RXFP2: variants seen among roughly 807,000 people sequenced by gnomAD.
The protein encoded by RXFP2 is relaxin family peptide receptor 2.
RXFP2 carries 68 observed loss-of-function variants against 88.6 expected under a neutral mutation model. The ratio of observed to expected loss-of-function variants is 0.77; its 90% CI spans 0.63 to 0.94. The LOEUF is 0.94. RXFP2 is among the 40% of genes least tolerant of loss of function. The pLI is 0.00. For synonymous variants in RXFP2, 329 were observed against 306.8 expected (o/e 1.07, Z -0.76); for missense variants, 791 against 893.9 (o/e 0.88, Z 1.47).
intron 1 of RXFP2, among the ~76,000 whole-genome samples, chr13:31,753,646 A>G (rs536612966): frequency 6.6e-6 from 1 of 152,218 alleles, no homozygotes; most frequent in African/African-American, 2.4e-5. Context: ...CTATGTACCA[A>G]GTACAGCAGG....
intron 17 of RXFP2, among the ~76,000 whole-genome samples, chr13:31,798,579 C>T (rs184604030): frequency 1.3e-5 from 2 of 152,302 alleles, no homozygotes; most frequent in African/African-American, 2.4e-5. Context: ...GCTACCTGGA[C>T]ATCTCAATTT....
intron 1 of RXFP2, among the ~76,000 whole-genome samples, chr13:31,744,028 G>T (rs1871313099): frequency 6.6e-6 from 1 of 152,042 alleles, no homozygotes; most frequent in African/African-American, 2.4e-5. Flanking sequence ...TCCCTCCCCA[G>T]GGGCTTCCTG....
chr13:31,759,426 A>AAAGAAAGAAGG (rs1566218574), intron 2 of RXFP2, among the ~76,000 whole-genome samples: 1 of 149,020 alleles, frequency 6.7e-6, no homozygotes, highest in Non-Finnish European at 1.5e-5. Context: ...AGAAAGAAAG[A>AAAGAAAGAAGG]AAGAAAGAAA....
intron 1 of RXFP2, among the ~76,000 whole-genome samples, chr13:31,753,333 C>G (rs1871760465): frequency 6.6e-6 from 1 of 152,120 alleles, no homozygotes; most frequent in South Asian, 2.1e-4. Flanking sequence ...CTTTAAAAGG[C>G]CATCTAAACG....
rs1555280377 is a variant in RXFP2 at position 31,746,767 on chromosome 13, T to TTATATACAGCAATATATATAATATACAGC, written c.94+7061_94+7062insTATATACAGCAATATATATAATATACAGC. Among the ~76,000 whole-genome samples the TTATATACAGCAATATATATAATATACAGC allele has an allele frequency of 2.0e-4, 30 of 152,032 alleles. No homozygotes were observed. In the South Asian group the frequency reaches 2.1e-3, roughly 11 times the overall value. ...TGTTTCAACCCCACAGGCTAAAAAA[T>TTATATACAGCAATATATATAATATACAGC]AATATATCTATTGCTGTAGATATTT... On this transcript the variant is annotated intron_variant, in intron 1 of 17. Coordinates refer to ENST00000298386, the MANE Select transcript of RXFP2 (RefSeq NM_130806.5).
rs114981353 is a variant in RXFP2, at chr13:31,793,830, C to T, written c.1786+742C>T. The stretch of plus-strand genomic sequence containing the variant: ...CAAGGAGCCAACAAGCTCTTCTGTC[C>T]TTTCTTTTTCTTCAAAATTTGCTTC... On this transcript the variant is annotated intron_variant, in intron 16 of 17. Transcript: ENST00000298386. Among the ~76,000 whole-genome samples, 1,048 of 152,194 alleles carry T rather than the reference C, an allele frequency of 6.9e-3. 4 individuals are homozygous for T. Among genetic ancestry groups the T allele is most frequent in the African/African-American group, 0.018 (731 of 41,506 alleles).
At chr13:31,768,387 C>A (rs1481880075) in intron 5 of RXFP2, among the ~76,000 whole-genome samples, 1 of 152,154 alleles carries the variant, frequency 6.6e-6, no homozygotes, top group Non-Finnish European at 1.5e-5. Flanking sequence ...AGTCATCTAC[C>A]ACTTTTTAAA....
intron 2 of RXFP2, among the ~76,000 whole-genome samples, chr13:31,759,039 C>T (rs777104499): frequency 2.3e-4 from 34 of 145,976 alleles, no homozygotes; most frequent in Non-Finnish European, 4.2e-4. Context: ...AAGAGCAAAA[C>T]TCCATCTCAA....
At chr13:31,792,519 C>T (rs1015162183) in intron 15 of RXFP2, among the ~76,000 whole-genome samples, 159 bp from the exon 16 acceptor site, 1 of 152,040 alleles carries the variant, frequency 6.6e-6, no homozygotes. Flanking sequence ...TAAGTCCACT[C>T]GCTTCTTGGT....
intron 13 of RXFP2, among the ~76,000 whole-genome samples, chr13:31,788,751 C>T (rs1464347032): frequency 2.0e-5 from 3 of 152,144 alleles, no homozygotes; most frequent in Non-Finnish European, 4.4e-5. Context: ...TTCAGTGATG[C>T]TCTCCGGTTG....
At chr13:31,761,506 C>A (rs1479997004) in intron 2 of RXFP2, among the ~76,000 whole-genome samples, 5 of 152,126 alleles carry the variant, frequency 3.3e-5, no homozygotes, top group African/African-American at 4.8e-5. Flanking sequence ...ACTTGCATTG[C>A]AAATTTTATG....
At chr13:31,791,750 A>G (rs891445717) in intron 14 of RXFP2, 56 bp from the exon 15 acceptor site, 14 of 1,217,686 alleles carry the variant, frequency 1.1e-5, no homozygotes, top group Middle Eastern at 1.9e-4. Context: ...TAGGACTGCA[A>G]CTGTAGGTTC....
At chr13:31,799,745 T>C (rs1367709215) in intron 17 of RXFP2, among the ~76,000 whole-genome samples, 2 of 152,138 alleles carry the variant, frequency 1.3e-5, no homozygotes, top group Non-Finnish European at 2.9e-5. Context: ...GCTTTTTCTG[T>C]CTGTATGAGG....
intron 5 of RXFP2, among the ~76,000 whole-genome samples, chr13:31,773,801 G>A (rs1373724879): frequency 1.3e-5 from 2 of 152,134 alleles, no homozygotes; most frequent in African/African-American, 4.8e-5. Context: ...ATGAAACAGC[G>A]CTGTGTAATA....
rs868804492 is a variant in RXFP2, at chr13:31,765,051, C to T, written c.334C>T (p.Pro112Ser). The T allele has an allele frequency of 6.3e-7, 1 of 1,597,112 alleles. No individual in the cohort carries two copies. ...TGTCCCATTAGTTCTAAAACAGTATCCACAATGCTGTGACTGCAAAGAAAC... is the reference window on the plus strand; with the variant it reads ...TGTCCCATTAGTTCTAAAACAGTATTCACAATGCTGTGACTGCAAAGAAAC... ...LTQECFLKQY[P>S]QCCDCKETEL... is the part of the protein sequence containing the mutation. The change falls in exon 4 of 18, where the codon CCA becomes TCA. Residue 112 changes from proline to serine, a missense_variant. Transcript: ENST00000298386.
intron 1 of RXFP2, among the ~76,000 whole-genome samples, chr13:31,756,622 T>G (rs1446917548): frequency 4.8e-5 from 1 of 20,746 alleles, no homozygotes; most frequent in Non-Finnish European, 9.3e-5. Flanking sequence ...GAAGTTCCAA[T>G]TTTTTTTTTT....
At chr13:31,777,320 G>C (rs145883760) in intron 7 of RXFP2, 56 bp from the exon 8 acceptor site, 9 of 1,332,936 alleles carry the variant, frequency 6.8e-6, no homozygotes, top group Non-Finnish European at 8.6e-6. Context: ...GGGGAGGCAG[G>C]TTTTATTTCA....
chr13:31,802,100 T>A, intron 17 of RXFP2, 46 bp from the exon 18 acceptor site: 1 of 1,586,580 alleles, frequency 6.3e-7, no homozygotes, highest in Non-Finnish European at 8.7e-7. Flanking sequence ...ATTTTATGTC[T>A]ATTTAAAACT....
intron 11 of RXFP2, 92 bp downstream of exon 11, chr13:31,782,839 A>T: frequency 1.3e-6 from 1 of 799,726 alleles, no homozygotes; most frequent in Non-Finnish European, 2.2e-6. Context: ...ACTAGTAGCA[A>T]TCAAAATCCT....
Sources: gnomAD v4.1 joint callset for allele counts (sites outside exome capture counted in the v4.1 genomes callset) on GRCh38, gnomAD v4.1.1 for gene constraint, MANE v1.5 for transcripts, NCBI Gene and HGNC (gene_info 2026-07-23, HGNC 2026-07-21) for gene names.